CELF2: variants seen among roughly 807,000 people sequenced by gnomAD.
The protein encoded by CELF2 is CUGBP Elav-like family member 2.
CELF2 carries 8 observed loss-of-function variants against 62.6 expected under a neutral mutation model. That is an observed-to-expected ratio of 0.13 (90% confidence interval 0.07 to 0.23). The LOEUF (loss-of-function observed/expected upper bound fraction) is 0.23. Among genes scored for constraint, CELF2 ranks in the 10% least tolerant of loss-of-function variants. The probability of loss-of-function intolerance (pLI) is 1.00; values close to 1 mark genes in which losing one functional copy is unlikely to be tolerated. For missense variants in CELF2, 333 were observed against 671.0 expected (o/e 0.50, Z 5.56); for synonymous variants, 258 against 250.0 (o/e 1.03, Z -0.30).
At chr10:11,139,058 G>A (rs1465082799) in intron 1 of CELF2, among the ~76,000 whole-genome samples, 3 of 152,078 alleles carry the variant, frequency 2.0e-5, no homozygotes, top group Admixed American at 1.3e-4. Flanking sequence ...GCAAAGATAG[G>A]CTCAATTACT....
the CELF2 span, among the ~76,000 whole-genome samples, chr10:10,789,458 G>C: frequency 6.6e-6 from 1 of 152,014 alleles, no homozygotes; most frequent in Non-Finnish European, 1.5e-5. Context: ...CGAATATCCT[G>C]CACATAAACC....
chr10:10,468,337 C>G, the CELF2 span, among the ~76,000 whole-genome samples: 1 of 152,008 alleles, frequency 6.6e-6, no homozygotes, highest in Non-Finnish European at 1.5e-5. Flanking sequence ...TCTGCTTTTG[C>G]TGTAATTGGA....
the CELF2 span, among the ~76,000 whole-genome samples, chr10:10,667,955 T>C: frequency 2.6e-5 from 4 of 152,182 alleles, no homozygotes; most frequent in Non-Finnish European, 5.9e-5. Flanking sequence ...TCAAATTATG[T>C]GCCCCAAAGA....
intron 1 of CELF2, among the ~76,000 whole-genome samples, chr10:10,900,377 T>C (rs916120058): frequency 1.3e-5 from 2 of 152,218 alleles, no homozygotes; most frequent in African/African-American, 4.8e-5. Context: ...ACATTCCTCA[T>C]AGCCATGTGG....
At chr10:11,163,756 A>G (rs606139) in intron 1 of CELF2, among the ~76,000 whole-genome samples, 84,549 of 152,102 alleles carry the variant, frequency 0.56, 24,858 homozygotes, top group East Asian at 0.82. Flanking sequence ...AGAAATTGAA[A>G]CCAGGACCTA....
intron 1 of CELF2, among the ~76,000 whole-genome samples, chr10:10,906,610 G>A (rs914854204): frequency 4.0e-5 from 6 of 151,576 alleles, no homozygotes; most frequent in Non-Finnish European, 8.8e-5. Context: ...GGGGTTCTTA[G>A]TTTTGATGCT....
At chr10:11,101,911 T>C (rs2051781922) in intron 1 of CELF2, among the ~76,000 whole-genome samples, 2 of 152,370 alleles carry the variant, frequency 1.3e-5, no homozygotes, top group East Asian at 3.9e-4. Flanking sequence ...TGAGGTATCC[T>C]GGTTTAAAGC....
chr10:10,548,173 G>T, the CELF2 span, among the ~76,000 whole-genome samples: 1 of 152,210 alleles, frequency 6.6e-6, no homozygotes, highest in African/African-American at 2.4e-5. Context: ...CTGGGTCCCA[G>T]TTCCCTCGTC....
chr10:10,539,168 C>T, the CELF2 span, among the ~76,000 whole-genome samples: 1 of 152,160 alleles, frequency 6.6e-6, no homozygotes, highest in African/African-American at 2.4e-5. Flanking sequence ...TATAGAGTAG[C>T]TATGAGATTT....
At chr10:10,690,611 G>T in the CELF2 span, among the ~76,000 whole-genome samples, 3 of 152,190 alleles carry the variant, frequency 2.0e-5, no homozygotes, top group African/African-American at 7.2e-5. Flanking sequence ...TGGGCACAGT[G>T]GTGCATGCCT....
chr10:10,980,877 T>C (rs2052008865), intron 2 of CELF2, among the ~76,000 whole-genome samples: 1 of 152,202 alleles, frequency 6.6e-6, no homozygotes, highest in Non-Finnish European at 1.5e-5. Flanking sequence ...CACCTTGGCC[T>C]CCCATTGTAC....
chr10:11,252,611 A>C (rs184760877), intron 4 of CELF2, among the ~76,000 whole-genome samples: 84 of 152,312 alleles, frequency 5.5e-4, no homozygotes, highest in African/African-American at 1.9e-3. Flanking sequence ...TCAGCCCTGC[A>C]CTTTGGGATG....
intron 1 of CELF2, among the ~76,000 whole-genome samples, chr10:10,890,812 C>G (rs1475002100): frequency 6.6e-6 from 1 of 152,122 alleles, no homozygotes; most frequent in African/African-American, 2.4e-5. Context: ...GTGAGGAGTT[C>G]AAGACCAGCC....
chr10:10,701,378 T>C, the CELF2 span, among the ~76,000 whole-genome samples: 5 of 152,216 alleles, frequency 3.3e-5, no homozygotes, highest in Admixed American at 3.3e-4. Flanking sequence ...AAAATAGATA[T>C]GCAGGTTTCT....
intron 1 of CELF2, among the ~76,000 whole-genome samples, chr10:11,009,862 C>T (rs1465280486): frequency 6.6e-6 from 1 of 152,182 alleles, no homozygotes; most frequent in Non-Finnish European, 1.5e-5. Context: ...GACATACCTC[C>T]GATATGCGTG....
chr10:10,846,367 A>G (rs1436693603), intron 1 of CELF2, among the ~76,000 whole-genome samples: 2 of 152,100 alleles, frequency 1.3e-5, no homozygotes, highest in Non-Finnish European at 2.9e-5. Context: ...TGTTCCCTCT[A>G]TCAACAGAGC....
chr10:10,862,219 A>C (rs1591303965), intron 1 of CELF2, among the ~76,000 whole-genome samples: 1 of 152,212 alleles, frequency 6.6e-6, no homozygotes, highest in African/African-American at 2.4e-5. Context: ...CCAGTGGCTT[A>C]AAACAGTCCT....
At chr10:10,962,288 G>A (rs2135996167) in intron 2 of CELF2, among the ~76,000 whole-genome samples, 1 of 152,324 alleles carries the variant, frequency 6.6e-6, no homozygotes, top group Admixed American at 6.5e-5. Context: ...GGGATGCTGG[G>A]TACAGCACCA....
At chr10:10,783,379 G>C in the CELF2 span, among the ~76,000 whole-genome samples, 2 of 152,118 alleles carry the variant, frequency 1.3e-5, no homozygotes, top group African/African-American at 4.8e-5. Context: ...ACCCACAGAG[G>C]AGATGGCCAT....
Sources: allele counts gnomAD v4.1 joint callset (sites outside exome capture counted in the v4.1 genomes callset), GRCh38; gene constraint gnomAD v4.1.1; transcripts MANE v1.5; gene names NCBI Gene and HGNC (gene_info 2026-07-23, HGNC 2026-07-21).